ADAM23: variants seen among roughly 807,000 people sequenced by gnomAD.
The protein encoded by ADAM23 is ADAM metallopeptidase domain 23, also known as disintegrin and metalloproteinase domain-containing protein 23.
Under a neutral mutation model 120.1 loss-of-function variants are expected in ADAM23, and 33 were observed. The observed-to-expected ratio is 0.27, with a 90% CI of 0.21 to 0.37. ADAM23 has a LOEUF of 0.37. Among genes scored for constraint, ADAM23 ranks in the 10% least tolerant of loss-of-function variants. The probability of loss-of-function intolerance (pLI) is 1.00; values close to 1 mark genes in which losing one functional copy is unlikely to be tolerated. For missense variants in ADAM23, 862 were observed against 1,058.2 expected, an observed-to-expected ratio of 0.81 and a Z score of 2.57; for synonymous variants, 367 against 375.2, an observed-to-expected ratio of 0.98 and a Z score of 0.25.
chr2:206,540,481 C>CT (rs1189754988), intron 4 of ADAM23, among the ~76,000 whole-genome samples: 2 of 152,092 alleles, frequency 1.3e-5, no homozygotes, highest in Non-Finnish European at 2.9e-5. Context: ...ATATTTATCT[C>CT]TGTTTTCTCC....
intron 2 of ADAM23, among the ~76,000 whole-genome samples, chr2:206,454,764 C>A (rs1036074953): frequency 8.5e-5 from 13 of 152,204 alleles, no homozygotes; most frequent in African/African-American, 3.1e-4. Flanking sequence ...AGTCCGAAAC[C>A]TAGCAGGACA....
chr2:206,606,143 A>G (rs1698725178), intron 24 of ADAM23, among the ~76,000 whole-genome samples: 1 of 152,196 alleles, frequency 6.6e-6, no homozygotes, highest in Non-Finnish European at 1.5e-5. Context: ...CAACACTTCC[A>G]TTGCTCCTCC....
At chr2:206,533,014 A>G (rs1374707256) in intron 4 of ADAM23, among the ~76,000 whole-genome samples, 1 of 151,984 alleles carries the variant, frequency 6.6e-6, no homozygotes, top group Non-Finnish European at 1.5e-5. Flanking sequence ...TATTCCCACC[A>G]CCATTACATA....
intron 10 of ADAM23, among the ~76,000 whole-genome samples, chr2:206,558,720 A>G (rs2105820100): frequency 6.6e-6 from 1 of 152,336 alleles, no homozygotes; most frequent in East Asian, 1.9e-4. Context: ...AGTCATTTCA[A>G]CATGATTGAA....
chr2:206,506,933 A>G (rs1167367093), intron 3 of ADAM23, among the ~76,000 whole-genome samples: 2 of 152,336 alleles, frequency 1.3e-5, no homozygotes, highest in South Asian at 2.1e-4. Context: ...ATAAACCTGT[A>G]TAAGTGAAAA....
In ADAM23 at chr2:206,619,091, A is replaced by C. The variant is rs965303756; in HGVS notation, c.*1464A>C. 5 of 152,222 alleles carry C rather than the reference A, an allele frequency of 3.3e-5. No individual in the cohort carries two copies. Among genetic ancestry groups the C allele is most frequent in the African/African-American group, 9.7e-5 (4 of 41,450 alleles). The allele number at this position is 152,222 out of a possible 1,614,324, so 9.4% of individuals were successfully genotyped here. On this transcript the variant is annotated 3_prime_UTR_variant, in exon 26 of 26. Transcript: ENST00000264377. ...GGTAGAACCCTATTGGAAAAGTGGTAATGGGAATAGAAGGAGCAGTTACCT... is the reference window on the plus strand; with the variant it reads ...GGTAGAACCCTATTGGAAAAGTGGTCATGGGAATAGAAGGAGCAGTTACCT...
intron 21 of ADAM23, among the ~76,000 whole-genome samples, chr2:206,591,665 A>T (rs558275534): frequency 7.2e-5 from 11 of 152,224 alleles, no homozygotes; most frequent in Non-Finnish European, 1.2e-4. Flanking sequence ...AGGCCTGTAC[A>T]TAAGTAGAAA....
At position 206,567,910 on chromosome 2, in the gene ADAM23, A is replaced by G. The variant is rs531141239; in HGVS notation, c.1494+588A>G. Among the ~76,000 whole-genome samples the G allele has an allele frequency of 1.7e-4, 26 of 152,254 alleles. No homozygotes were observed. In the South Asian group the frequency reaches 5.4e-3, roughly 32 times the overall value. ...CTTCACAAGGTGGCAGGAGAGAGAG[A>G]AAGAGTGCGAGGAAGTGCCACAGTT... On this transcript the variant is annotated intron_variant, in intron 15 of 25. Transcript: ENST00000264377.
chr2:206,582,773 ATTTG>A (rs1698243798), intron 18 of ADAM23, among the ~76,000 whole-genome samples: 1 of 152,116 alleles, frequency 6.6e-6, no homozygotes, highest in African/African-American at 2.4e-5. Flanking sequence ...TTCTCTCAGC[ATTTG>A]TTTGTCTGAA....
intron 3 of ADAM23, among the ~76,000 whole-genome samples, chr2:206,501,214 G>A (rs1574500380): frequency 6.6e-6 from 1 of 152,152 alleles, no homozygotes; most frequent in Middle Eastern, 3.4e-3. Context: ...TAAATGTCCT[G>A]CAATCTAACT....
chr2:206,540,216 T>TACACACACACAC lies in ADAM23; in HGVS notation c.574-1794_574-1783dup, dbSNP rs71034461. ...AGAAAAGAAAAGCAGCCCTTCACTG[T>TACACACACACAC]ACACACACACACACACACACACACA... is the stretch of plus-strand genomic sequence containing the variant. On this transcript the variant is annotated intron_variant, in intron 4 of 25. Transcript: ENST00000264377. 3.6e-3 allele frequency among the ~76,000 whole-genome samples: 479 copies of TACACACACACAC among 131,924 alleles called. 4 individuals are homozygous for TACACACACACAC. Among genetic ancestry groups the TACACACACACAC allele is most frequent in the African/African-American group, 9.3e-3 (313 of 33,602 alleles). 86.5% of individuals were successfully genotyped at this position (131,924 alleles called of 152,430 possible).
chr2:206,444,053 C>G lies in ADAM23; in HGVS notation c.187C>G (p.Arg63Gly). 7.2e-7 allele frequency: 1 copy of G among 1,397,962 alleles called. No individual in the cohort carries two copies. The highest frequency in any genetic ancestry group is 9.3e-7 in the Non-Finnish European group (1 of 1,072,664). 86.6% of individuals were successfully genotyped at this position (1,397,962 alleles called of 1,614,324 possible). A position where few individuals can be genotyped will look rare whatever the true frequency, so the allele number is the denominator to read the frequency against. The change falls in exon 1 of 26, where the codon CGC becomes GGC. Residue 63 changes from arginine (R) to glycine (G), a missense_variant. Coordinates refer to ENST00000264377, the MANE Select transcript of ADAM23 (RefSeq NM_003812.4). ...TCCGCTCGCCGCCTCGTCCCGGCCC[C>G]GCGCCTGGGGGGCTGCTGCGCCCAG... ...LPPLAASSRPRAWGAAAPSAP... is the reference protein window; with the variant it reads ...LPPLAASSRPGAWGAAAPSAP...
intron 3 of ADAM23, among the ~76,000 whole-genome samples, chr2:206,508,655 C>CAAAAA (rs34489352): frequency 9.9e-6 from 1 of 100,930 alleles, no homozygotes; most frequent in African/African-American, 3.9e-5. Context: ...ACTCTGTCTC[C>CAAAAA]AAAAAAAAAA....
At chr2:206,485,321 A>G (rs1695988782) in intron 3 of ADAM23, among the ~76,000 whole-genome samples, 1 of 152,224 alleles carries the variant, frequency 6.6e-6, no homozygotes, top group Admixed American at 6.5e-5. Flanking sequence ...AGAGGACCCA[A>G]AAGAGCTTCT....
At chr2:206,590,372 A>G (rs557004152) in intron 21 of ADAM23, among the ~76,000 whole-genome samples, 1 of 152,314 alleles carries the variant, frequency 6.6e-6, no homozygotes, top group East Asian at 1.9e-4. Flanking sequence ...TGCTGGGATT[A>G]TGGGCGTGAG....
rs757097363 is a variant in ADAM23, at chr2:206,567,364, T to C, written c.1494+42T>C. On this transcript the variant is annotated intron_variant, in intron 15 of 25. Transcript: ENST00000264377. ...GCATACTAAGAAAGTATATTATTTC[T>C]CCAGTGTTTTACAGTGCAACAGTGC... The C allele has an allele frequency of 3.2e-6, 5 of 1,542,820 alleles. No individual in the cohort carries two copies. In the South Asian group the frequency reaches 5.6e-5, roughly 17 times the overall value.
At chr2:206,537,850 G>A (rs1697210811) in intron 4 of ADAM23, among the ~76,000 whole-genome samples, 1 of 152,036 alleles carries the variant, frequency 6.6e-6, no homozygotes, top group Admixed American at 6.6e-5. Flanking sequence ...AATAATTTAA[G>A]CAATAACAAG....
chr2:206,455,030 C>T (rs1352865166), intron 2 of ADAM23, among the ~76,000 whole-genome samples: 1 of 152,218 alleles, frequency 6.6e-6, no homozygotes, highest in Non-Finnish European at 1.5e-5. Flanking sequence ...GGCAGTGCCC[C>T]AGTGGGGACT....
intron 18 of ADAM23, among the ~76,000 whole-genome samples, chr2:206,574,963 T>A (rs1574543206): frequency 6.6e-6 from 1 of 152,280 alleles, no homozygotes; most frequent in East Asian, 1.9e-4. Flanking sequence ...ATGGCCTTGC[T>A]CTTGTGGAAC....
Sources: gnomAD v4.1 joint callset for allele counts (sites outside exome capture counted in the v4.1 genomes callset) on GRCh38, gnomAD v4.1.1 for gene constraint, MANE v1.5 for transcripts, NCBI Gene and HGNC (gene_info 2026-07-23, HGNC 2026-07-21) for gene names.